The following ZFAT variants were observed in gnomAD, a reference collection of about 807,000 sequenced individuals.
ZFAT encodes zinc finger protein ZFAT.
Under a neutral mutation model 117.7 loss-of-function variants are expected in ZFAT, and 64 were observed. That is an observed-to-expected ratio of 0.54 (90% CI 0.44 to 0.67). The LOEUF (loss-of-function observed/expected upper bound fraction) is 0.67, where lower values mean the gene tolerates loss of function less well. Among genes scored for constraint, ZFAT ranks in the 30% least tolerant of loss-of-function variants. The pLI, the probability that ZFAT is intolerant of heterozygous loss-of-function variation, is 0.00. For missense variants in ZFAT, 1,433 were observed against 1,584.5 expected (o/e 0.90, Z 1.62); for synonymous variants, 679 against 615.0 (o/e 1.10, Z -1.54).
chr8:134,656,915 C>T (rs2439813), intron 2 of ZFAT, among the ~76,000 whole-genome samples: 110,076 of 152,118 alleles, frequency 0.72, 40,319 homozygotes, highest in East Asian at 0.83. Flanking sequence ...CACACAGTGA[C>T]AGATGTCCAG....
intron 11 of ZFAT, among the ~76,000 whole-genome samples, chr8:134,541,922 C>T (rs999919055): frequency 2.0e-5 from 3 of 152,218 alleles, no homozygotes; most frequent in Admixed American, 2.0e-4. Context: ...CACAGGCATT[C>T]CACTAAATCC....
chr8:134,583,438 C>T (rs1391146630), intron 10 of ZFAT, among the ~76,000 whole-genome samples: 1 of 152,164 alleles, frequency 6.6e-6, no homozygotes, highest in Non-Finnish European at 1.5e-5. Context: ...ATAAGAGACT[C>T]ACTTGAAAAA....
chr8:134,746,912 A>G, the ZFAT span, among the ~76,000 whole-genome samples: 15 of 152,192 alleles, frequency 9.9e-5, no homozygotes, highest in Non-Finnish European at 2.1e-4. Flanking sequence ...TCATGAACTT[A>G]GTGATTTCCT....
chr8:134,668,444 C>A (rs1832361939), intron 1 of ZFAT, among the ~76,000 whole-genome samples: 1 of 152,238 alleles, frequency 6.6e-6, no homozygotes, highest in Non-Finnish European at 1.5e-5. Context: ...TTGCCATTCA[C>A]CAATATCCGC....
At chr8:134,681,153 G>A (rs2131298531) in intron 1 of ZFAT, among the ~76,000 whole-genome samples, 1 of 152,360 alleles carries the variant, frequency 6.6e-6, no homozygotes, top group Admixed American at 6.5e-5. Flanking sequence ...GCAGCCCAGT[G>A]AATGTGCCCA....
the ZFAT span, among the ~76,000 whole-genome samples, chr8:134,738,578 G>T: frequency 6.6e-6 from 1 of 152,090 alleles, no homozygotes; most frequent in Non-Finnish European, 1.5e-5. Context: ...ATATGACTTC[G>T]GTAAATGTGT....
chr8:134,799,135 TA>T, the ZFAT span, among the ~76,000 whole-genome samples: 43 of 152,274 alleles, frequency 2.8e-4, 1 homozygote, highest in Middle Eastern at 0.017. Flanking sequence ...ATTAAACAAA[TA>T]AAATATATAA....
chr8:134,558,410 T>C (rs1280072385), intron 11 of ZFAT, among the ~76,000 whole-genome samples: 1 of 152,136 alleles, frequency 6.6e-6, no homozygotes, highest in Non-Finnish European at 1.5e-5. Flanking sequence ...ATTTTTCAAA[T>C]AAGAAGACAG....
chr8:134,691,098 T>C (rs1306429809), intron 1 of ZFAT, among the ~76,000 whole-genome samples: 1 of 152,278 alleles, frequency 6.6e-6, no homozygotes, highest in East Asian at 1.9e-4. Context: ...AAGTCCTACC[T>C]GGCCCTCCCC....
chr8:134,530,784 AT>A (rs758486110), intron 12 of ZFAT, among the ~76,000 whole-genome samples: 112 of 100,730 alleles, frequency 1.1e-3, no homozygotes, highest in Non-Finnish European at 1.2e-3. Context: ...AAATAAAAAA[AT>A]AATACAAATT....
chr8:134,619,394 T>C (rs901049416), intron 3 of ZFAT, among the ~76,000 whole-genome samples: 1 of 152,128 alleles, frequency 6.6e-6, no homozygotes, highest in African/African-American at 2.4e-5. Flanking sequence ...CCATTGCAGT[T>C]GCGGACCACC....
At chr8:134,530,677 C>CTA (rs959355971) in intron 12 of ZFAT, among the ~76,000 whole-genome samples, 4 of 151,822 alleles carry the variant, frequency 2.6e-5, no homozygotes, top group Non-Finnish European at 2.9e-5. Flanking sequence ...AATGCTACAT[C>CTA]TATATATATA....
At chr8:134,638,561 AAAAC>A (rs1473079553) in intron 2 of ZFAT, among the ~76,000 whole-genome samples, 10 of 23,340 alleles carry the variant, frequency 4.3e-4, no homozygotes, top group African/African-American at 1.8e-3. Flanking sequence ...AAAAAAAAAC[AAAAC>A]AAAAAAAAAA....
the ZFAT span, among the ~76,000 whole-genome samples, chr8:134,823,058 G>A: frequency 2.0e-5 from 3 of 152,154 alleles, no homozygotes; most frequent in African/African-American, 7.2e-5. Flanking sequence ...CTGGAATTCT[G>A]TACTATTTCT....
the ZFAT span, among the ~76,000 whole-genome samples, chr8:134,735,497 C>G: frequency 2.0e-5 from 3 of 152,222 alleles, no homozygotes. Flanking sequence ...AAATGGCCAT[C>G]TTTGACAGTA....
chr8:134,631,795 C>T (rs1322593300), intron 3 of ZFAT, among the ~76,000 whole-genome samples: 1 of 152,194 alleles, frequency 6.6e-6, no homozygotes, highest in Non-Finnish European at 1.5e-5. Context: ...TCTGATACTG[C>T]GCTAGAGTTG....
chr8:134,821,220 G>T, the ZFAT span, among the ~76,000 whole-genome samples: 1 of 152,070 alleles, frequency 6.6e-6, no homozygotes, highest in Admixed American at 6.6e-5. Context: ...TACTTTCAAA[G>T]CATCAACTGG....
intron 12 of ZFAT, among the ~76,000 whole-genome samples, chr8:134,524,515 GGTTCT>G (rs1820885984): frequency 6.6e-6 from 1 of 152,302 alleles, no homozygotes; most frequent in African/African-American, 2.4e-5. Context: ...TTAGGCCAGT[GGTTCT>G]AAACTATGGA....
intron 3 of ZFAT, among the ~76,000 whole-genome samples, chr8:134,622,616 T>C (rs1829204199): frequency 6.6e-6 from 1 of 152,098 alleles, no homozygotes; most frequent in Non-Finnish European, 1.5e-5. Context: ...GAGGTCCTGC[T>C]TGCCCTTCCA....
Sources: allele counts gnomAD v4.1 joint callset (sites outside exome capture counted in the v4.1 genomes callset), GRCh38; gene constraint gnomAD v4.1.1; transcripts MANE v1.5; gene names NCBI Gene and HGNC (gene_info 2026-07-23, HGNC 2026-07-21).